KCNN2: variants seen among roughly 807,000 people sequenced by gnomAD.
KCNN2 encodes small conductance calcium-activated potassium channel protein 2.
In KCNN2, 24 loss-of-function variants were observed where a neutral mutation model predicts 55.5. The observed-to-expected ratio is 0.43, with a 90% confidence interval of 0.31 to 0.61. The LOEUF (loss-of-function observed/expected upper bound fraction) is 0.61. Ranked by LOEUF, KCNN2 falls within the 20% of genes least tolerant of loss-of-function variation. KCNN2 has a pLI of 0.08. For synonymous variants in KCNN2, 431 were observed against 336.1 expected, an observed-to-expected ratio of 1.28 and a Z score of -3.09; for missense variants, 754 against 853.6, an observed-to-expected ratio of 0.88 and a Z score of 1.45.
At chr5:114,383,675 C>T in intron 2 of KCNN2, among the ~76,000 whole-genome samples, 2 of 152,156 alleles carry the variant, frequency 1.3e-5, no homozygotes, top group East Asian at 3.9e-4. Flanking sequence ...GCCATGTTGG[C>T]CAGGCTGGTC....
In KCNN2 at chr5:114,060,300, T is replaced by C. The variant is rs150608750; in HGVS notation, c.-271+3800T>C. Among the ~76,000 whole-genome samples the C allele has an allele frequency of 9.2e-5, 14 of 152,350 alleles. No homozygotes were observed. The East Asian group carries it at 2.7e-3, about 29-fold the overall frequency. The stretch of plus-strand genomic sequence containing the variant: ...ATCCCATGCCCTTGGGGACATTTAT[T>C]TTGTCAGCCTCCACCCTCTCGTTGC... On this transcript the variant is annotated intron_variant, in intron 1 of 10. Transcript: ENST00000512097.
At chr5:114,188,015 G>A (rs1050976526) in intron 1 of KCNN2, among the ~76,000 whole-genome samples, 2 of 151,654 alleles carry the variant, frequency 1.3e-5, no homozygotes, top group Non-Finnish European at 2.9e-5. Flanking sequence ...GTTTCTCCAT[G>A]TTGGTCAGGC....
chr5:114,093,912 A>G (rs548896600), intron 1 of KCNN2, among the ~76,000 whole-genome samples: 1 of 152,164 alleles, frequency 6.6e-6, no homozygotes, highest in Non-Finnish European at 1.5e-5. Flanking sequence ...TTTCCCTGTT[A>G]CAGATATTCT....
chr5:114,312,434 C>CACACATAT (rs1561566604), intron 2 of KCNN2, among the ~76,000 whole-genome samples: 6 of 23,406 alleles, frequency 2.6e-4, no homozygotes, highest in Non-Finnish European at 3.3e-4. Context: ...CACACACACA[C>CACACATAT]ATATATATAT....
At chr5:114,264,254 C>G (rs1045532999) in intron 2 of KCNN2, among the ~76,000 whole-genome samples, 1 of 152,096 alleles carries the variant, frequency 6.6e-6, no homozygotes, top group Non-Finnish European at 1.5e-5. Flanking sequence ...TAACAAAATT[C>G]ATTCTGGTAC....
chr5:114,441,283 G>A (rs1207167511), intron 3 of KCNN2, among the ~76,000 whole-genome samples: 1 of 152,154 alleles, frequency 6.6e-6, no homozygotes, highest in African/African-American at 2.4e-5. Context: ...TCATGCAGAT[G>A]AAAAAGATTA....
intron 2 of KCNN2, among the ~76,000 whole-genome samples, chr5:114,349,742 C>T (rs1580738793): frequency 1.3e-5 from 2 of 151,974 alleles, no homozygotes; most frequent in South Asian, 4.2e-4. Context: ...TATGGATGTA[C>T]ATTTTCATTT....
chr5:114,339,848 A>T (rs925770553), intron 2 of KCNN2, among the ~76,000 whole-genome samples: 6 of 151,900 alleles, frequency 3.9e-5, no homozygotes, highest in Non-Finnish European at 8.8e-5. Flanking sequence ...TAAATAAATA[A>T]AAATGCATGA....
intron 1 of KCNN2, among the ~76,000 whole-genome samples, chr5:114,180,426 AT>A (rs1753216812): frequency 6.6e-6 from 1 of 152,194 alleles, no homozygotes; most frequent in African/African-American, 2.4e-5. Context: ...CTCTGTGTTT[AT>A]AGTTAACACT....
chr5:114,418,725 T>A (rs1030729559), intron 3 of KCNN2, among the ~76,000 whole-genome samples: 2 of 152,154 alleles, frequency 1.3e-5, no homozygotes, highest in Non-Finnish European at 2.9e-5. Context: ...TGTGCTAAGA[T>A]CACTGCCACT....
chr5:114,478,054 T>A lies in KCNN2; in HGVS notation c.1890+4890T>A, dbSNP rs376948857. ...TATGCCCTGTTCCACAGCTACAACA[T>A]TCACCCAGGCCTCATACACCTGACC... On this transcript the variant is annotated intron_variant, in intron 5 of 7. Transcript: ENST00000673685. Among the ~76,000 whole-genome samples the A allele has an allele frequency of 7.0e-4, 106 of 152,228 alleles. 1 individual carries two copies. The East Asian group carries it at 0.011, about 16-fold the overall frequency.
chr5:114,373,659 A>ATATATATATATATATATATATAT, intron 2 of KCNN2, among the ~76,000 whole-genome samples: 1 of 45,478 alleles, frequency 2.2e-5, no homozygotes, highest in East Asian at 2.9e-3. Flanking sequence ...TATATATATA[A>ATATATATATATATATATATATAT]AATTACTTGG....
At chr5:114,454,088 C>G (rs1020233942) in intron 3 of KCNN2, among the ~76,000 whole-genome samples, 1 of 152,090 alleles carries the variant, frequency 6.6e-6, no homozygotes, top group Non-Finnish European at 1.5e-5. Context: ...GTTTTCTGTT[C>G]CCGTGTTAGT....
At chr5:114,399,717 A>G (rs758068521) in intron 2 of KCNN2, among the ~76,000 whole-genome samples, 6 of 152,114 alleles carry the variant, frequency 3.9e-5, no homozygotes, top group Non-Finnish European at 7.4e-5. Flanking sequence ...GAATTCGGCT[A>G]TGAATTCCTC....
intron 1 of KCNN2, among the ~76,000 whole-genome samples, chr5:114,195,566 T>C (rs747162183): frequency 6.6e-6 from 1 of 152,060 alleles, no homozygotes; most frequent in African/African-American, 2.4e-5. Flanking sequence ...TAATTCATTC[T>C]AATAGTCTTT....
chr5:114,458,697 G>A (rs1459782), intron 3 of KCNN2, among the ~76,000 whole-genome samples: 122,015 of 152,144 alleles, frequency 0.8, 49,188 homozygotes, highest in East Asian at 0.92. Flanking sequence ...CCAAAGTAAC[G>A]TTTATCAAAT....
chr5:114,404,559 T>A lies in KCNN2; in HGVS notation c.1340T>A (p.Phe447Tyr). The A allele has an allele frequency of 1.9e-6, 3 of 1,613,840 alleles. No homozygotes were observed. The highest frequency in any genetic ancestry group is 2.5e-6 in the Non-Finnish European group (3 of 1,180,006). Residue 447 changes from phenylalanine to tyrosine, a missense_variant, in exon 3 of 8, where the codon TTC becomes TAC. Physicochemically the swap from Phe to Tyr is conservative, Grantham distance 22. Coordinates refer to ENST00000673685, the MANE Select transcript of KCNN2 (RefSeq NM_021614.4). The stretch of plus-strand genomic sequence containing the variant: ...CATCCCATACCTGGGAATTATACAT[T>A]CACATGGACGGCCCGGCTTGCCTTC... Reference protein sequence around the residue: ...AIHPIPGNYTFTWTARLAFSY... With the variant: ...AIHPIPGNYTYTWTARLAFSY...
chr5:114,280,971 G>A (rs946896184), intron 2 of KCNN2, among the ~76,000 whole-genome samples: 3 of 151,790 alleles, frequency 2.0e-5, no homozygotes, highest in African/African-American at 7.3e-5. Context: ...CCCTTCTTTT[G>A]CCGTTATATT....
At chr5:114,156,834 A>G (rs1752645218) in intron 1 of KCNN2, among the ~76,000 whole-genome samples, 1 of 152,072 alleles carries the variant, frequency 6.6e-6, no homozygotes, top group Non-Finnish European at 1.5e-5. Flanking sequence ...ATTATCAATG[A>G]TGCAGTCCAT....
Sources: gnomAD v4.1 joint callset for allele counts (sites outside exome capture counted in the v4.1 genomes callset) on GRCh38, gnomAD v4.1.1 for gene constraint, MANE v1.5 for transcripts, NCBI Gene and HGNC (gene_info 2026-07-23, HGNC 2026-07-21) for gene names.